Variants in HMG20A observed in about 807,000 individuals in gnomAD.
HMG20A encodes high mobility group protein 20A.
Under a neutral mutation model 43.9 loss-of-function variants are expected in HMG20A, and 17 were observed. The ratio of observed to expected loss-of-function variants is 0.39; its 90% confidence interval spans 0.27 to 0.58. HMG20A has a LOEUF of 0.58. HMG20A is among the 20% of genes least tolerant of loss of function. HMG20A has a pLI of 0.59. For missense variants in HMG20A, 341 were observed against 438.2 expected, an observed-to-expected ratio of 0.78 and a Z score of 1.98; for synonymous variants, 132 against 147.5, an observed-to-expected ratio of 0.89 and a Z score of 0.76.
chr15:77,480,028 C>G (rs2072892153), intron 9 of HMG20A, among the ~76,000 whole-genome samples: 1 of 152,208 alleles, frequency 6.6e-6, no homozygotes, highest in African/African-American at 2.4e-5. Context: ...TGCAATGGCT[C>G]ACACCTGTAA....
chr15:77,436,846 A>T (rs957932657), intron 1 of HMG20A, among the ~76,000 whole-genome samples: 13 of 152,164 alleles, frequency 8.5e-5, no homozygotes, highest in African/African-American at 2.9e-4. Context: ...CCCCTCCTTA[A>T]AATTTCTCCT....
rs1425341031 is a variant in HMG20A at position 77,471,047 on chromosome 15, C to A, written c.583+5C>A. ...AAGGCAAATCTCATAGGCAAGGTAT[C>A]AAAACCAGAACCAAATGTATTTGTA... On this transcript the variant is annotated splice_donor_5th_base_variant and intron_variant, in intron 5 of 9. Transcript: ENST00000336216. 1.2e-6 allele frequency: 2 copies of A among 1,607,554 alleles called. No homozygotes were observed. Among genetic ancestry groups the A allele is most frequent in the Non-Finnish European group, 1.7e-6 (2 of 1,178,144 alleles).
intron 7 of HMG20A, among the ~76,000 whole-genome samples, chr15:77,477,926 A>G (rs376920057): frequency 4.6e-5 from 7 of 152,322 alleles, no homozygotes; most frequent in East Asian, 3.9e-4. Context: ...GTCTGATCCC[A>G]TTGTGGTAAA....
chr15:77,442,271 T>C (rs574520912), intron 1 of HMG20A, among the ~76,000 whole-genome samples: 1 of 152,324 alleles, frequency 6.6e-6, no homozygotes, highest in South Asian at 2.1e-4. Flanking sequence ...TAATAGGACA[T>C]AAATTGAGTT....
chr15:77,461,484 C>G (rs997521894), intron 2 of HMG20A, among the ~76,000 whole-genome samples: 1 of 152,158 alleles, frequency 6.6e-6, no homozygotes, highest in African/African-American at 2.4e-5. Flanking sequence ...TGCTGAAAAT[C>G]TGCCCCTGAG....
Position 77,454,383 on chromosome 15 carries a change from T to G in HMG20A, c.-4-4021T>G, listed in dbSNP as rs115075885. Among the ~76,000 whole-genome samples, 655 of 152,244 alleles carry G rather than the reference T, an allele frequency of 4.3e-3. 1 individual carries two copies. The highest frequency in any genetic ancestry group is 0.013 in the African/African-American group (560 of 41,528). ...AGGGGTGAACTTTATGGTATATCAA[T>G]TATATCTTCCAAAAAAAGCAATTTA... On this transcript the variant is annotated intron_variant, in intron 1 of 9. Coordinates refer to ENST00000336216, the MANE Select transcript of HMG20A (RefSeq NM_001304504.2).
rs188453645 is a variant in HMG20A at position 77,425,142 on chromosome 15, A to T, written c.-5+4138A>T. ...ATCCATCCTCTTCTACACTCTCCCA[A>T]ACTGTACACGTTCTGTCCATTAACT... On this transcript the variant is annotated intron_variant, in intron 1 of 9. Coordinates refer to ENST00000336216, the MANE Select transcript of HMG20A (RefSeq NM_001304504.2). 2.6e-4 allele frequency among the ~76,000 whole-genome samples: 39 copies of T among 152,234 alleles called. No homozygotes were observed. In the East Asian group the frequency reaches 7.5e-3, roughly 29 times the overall value.
At chr15:77,449,944 A>C (rs933974307) in intron 1 of HMG20A, among the ~76,000 whole-genome samples, 1 of 152,070 alleles carries the variant, frequency 6.6e-6, no homozygotes, top group African/African-American at 2.4e-5. Context: ...GCCGTGTTCC[A>C]CCTATTCATC....
chr15:77,427,621 G>A (rs535454351), intron 1 of HMG20A, among the ~76,000 whole-genome samples: 7 of 152,100 alleles, frequency 4.6e-5, no homozygotes, highest in Non-Finnish European at 8.8e-5. Flanking sequence ...AGGAATTCAG[G>A]ACCCTTATAC....
chr15:77,479,754 G>A (rs536084029), intron 9 of HMG20A: 1 of 154,554 alleles, frequency 6.5e-6, no homozygotes, highest in African/African-American at 2.4e-5. Context: ...GGGAAACTTA[G>A]AAGAAATCAT....
chr15:77,438,940 G>C (rs892440065), intron 1 of HMG20A, among the ~76,000 whole-genome samples: 4 of 152,068 alleles, frequency 2.6e-5, no homozygotes, highest in African/African-American at 9.7e-5. Flanking sequence ...GCAGGCACCT[G>C]TCACCACGCC....
chr15:77,477,644 T>C lies in HMG20A; in HGVS notation c.691+14T>C. The C allele has an allele frequency of 6.4e-7, 1 of 1,570,474 alleles. No individual in the cohort carries two copies. Among genetic ancestry groups the C allele is most frequent in the Non-Finnish European group, 8.7e-7 (1 of 1,146,918 alleles). ...ACCATAGCAAAGGTGATTACTGAAG[T>C]TTCTTTTTGTGTTTCTCAGATTTTT... On this transcript the variant is annotated intron_variant, in intron 7 of 9. Transcript: ENST00000336216.
At chr15:77,435,523 ACCTCAAGT>A (rs1483784093) in intron 1 of HMG20A, among the ~76,000 whole-genome samples, 1 of 151,942 alleles carries the variant, frequency 6.6e-6, no homozygotes, top group Non-Finnish European at 1.5e-5. Context: ...CAAACACCTG[ACCTCAAGT>A]GATCCGCCCG....
intron 1 of HMG20A, among the ~76,000 whole-genome samples, chr15:77,446,147 T>G (rs1231915527): frequency 6.6e-6 from 1 of 152,206 alleles, no homozygotes; most frequent in African/African-American, 2.4e-5. Context: ...TTCTGTTTCC[T>G]TCAGCTCTCC....
chr15:77,428,446 A>G (rs1164168857), intron 1 of HMG20A, among the ~76,000 whole-genome samples: 1 of 152,234 alleles, frequency 6.6e-6, no homozygotes, highest in Non-Finnish European at 1.5e-5. Context: ...GATATTCATC[A>G]CAAGATAAGA....
chr15:77,487,284 T>TTCCTTCC (rs1443172931), downstream of HMG20A, among the ~76,000 whole-genome samples: 29 of 152,214 alleles, frequency 1.9e-4, no homozygotes, highest in South Asian at 6.0e-3. Flanking sequence ...ACAATACAGG[T>TTCCTTCC]TTTAGTAAGG....
the HMG20A span, among the ~76,000 whole-genome samples, chr15:77,510,612 A>C: frequency 6.6e-6 from 1 of 152,162 alleles, no homozygotes; most frequent in Non-Finnish European, 1.5e-5. Flanking sequence ...CTCCTGCCTG[A>C]CCATGCTGGG....
chr15:77,455,040 A>G (rs559350812), intron 1 of HMG20A, among the ~76,000 whole-genome samples: 58 of 151,974 alleles, frequency 3.8e-4, no homozygotes, highest in African/African-American at 1.4e-3. Context: ...CTATGAAAAG[A>G]CTTAGGGAAG....
downstream of HMG20A, among the ~76,000 whole-genome samples, chr15:77,489,869 A>G (rs1443186093): frequency 1.3e-5 from 2 of 152,376 alleles, no homozygotes; most frequent in South Asian, 2.1e-4. Context: ...GGCAGGCAAT[A>G]GCAAGATCAT....
Sources: allele counts gnomAD v4.1 joint callset (sites outside exome capture counted in the v4.1 genomes callset), GRCh38; gene constraint gnomAD v4.1.1; transcripts MANE v1.5; gene names NCBI Gene and HGNC (gene_info 2026-07-23, HGNC 2026-07-21).